Variants in MNT observed in about 807,000 individuals in gnomAD.
MNT encodes max-binding protein MNT.
A neutral mutation model predicts 40.7 loss-of-function variants in MNT; 13 were observed. The ratio of observed to expected loss-of-function variants is 0.32; its 90% CI spans 0.21 to 0.51. MNT has a LOEUF of 0.51. MNT is among the 20% of genes least tolerant of loss of function. The pLI, the probability that MNT is intolerant of heterozygous loss-of-function variation, is 0.98. For missense variants in MNT, 757 were observed against 792.0 expected, an observed-to-expected ratio of 0.96 and a Z score of 0.53; for synonymous variants, 426 against 354.8, an observed-to-expected ratio of 1.20 and a Z score of -2.26.
intron 1 of MNT, chr17:2,400,177 A>ACTCGTGTGCTATACACACG (rs2066605069): frequency 1.3e-5 from 2 of 154,368 alleles, no homozygotes; most frequent in African/African-American, 4.9e-5. Context: ...ACACACGCCC[A>ACTCGTGTGCTATACACACG]CTCGTGTGCT....
In MNT at chr17:2,400,739, C is replaced by T. The variant is rs112592946; in HGVS notation, c.-27G>A. ...GCGCCGAGAGCTGCCGGGGGCGCGC[C>T]GGGGCCGAGGCTGCGGCCCGCGAGC... On this transcript the variant is annotated 5_prime_UTR_variant, in exon 1 of 6. Transcript: ENST00000174618. The T allele has an allele frequency of 1.5e-5, 22 of 1,515,792 alleles. No homozygotes were observed. The highest frequency in any genetic ancestry group is 2.3e-5 in the Admixed American group (1 of 43,446). 93.9% of individuals were successfully genotyped at this position (1,515,792 alleles called of 1,614,324 possible). A position where few individuals can be genotyped will look rare whatever the true frequency, so the allele number is the denominator to read the frequency against.
chr17:2,398,044 C>G (rs2066588986), intron 1 of MNT, among the ~76,000 whole-genome samples: 1 of 152,274 alleles, frequency 6.6e-6, no homozygotes, highest in Admixed American at 6.5e-5. Flanking sequence ...TCTGCAGGCA[C>G]AGGGCTAGGG....
chr17:2,387,728 G>C, intron 5 of MNT, 79 bp from the exon 6 acceptor site: 2 of 1,575,558 alleles, frequency 1.3e-6, no homozygotes, highest in Non-Finnish European at 1.7e-6. Flanking sequence ...TCGTGGGGGC[G>C]TGGGAATGTG....
Position 2,394,540 on chromosome 17 carries a change from C to G in MNT, c.654-194G>C, listed in dbSNP as rs569140144. The stretch of plus-strand genomic sequence containing the variant: ...CACATCTGTGCTCATAATCACAACT[C>G]CTGTCACCCTCCGTCCCACCAGGAG... On this transcript the variant is annotated intron_variant, in intron 2 of 5. Coordinates refer to ENST00000174618, the MANE Select transcript of MNT (RefSeq NM_020310.3). Among the ~76,000 whole-genome samples, 6 of 152,258 alleles carry G rather than the reference C, an allele frequency of 3.9e-5. No individual in the cohort carries two copies. In the South Asian group the frequency reaches 1.2e-3, roughly 32 times the overall value.
intron 4 of MNT, 175 bp from the exon 5 acceptor site, chr17:2,388,224 A>C (rs2066484290): frequency 3.4e-6 from 2 of 595,492 alleles, no homozygotes; most frequent in Non-Finnish European, 5.8e-6. Flanking sequence ...GCCCCTGCCC[A>C]GTGAGGCCCA....
chr17:2,393,968 CGGGGCGCGGCCG>C, intron 4 of MNT, 63 bp downstream of exon 4: 1 of 1,017,692 alleles, frequency 9.8e-7, no homozygotes, highest in South Asian at 2.0e-5. Context: ...GAGGGCGGGG[CGGGGCGCGGCCG>C]GGGGAGGGGC....
intron 2 of MNT, 48 bp from the exon 3 acceptor site, chr17:2,394,394 C>A (rs373597375): frequency 6.0e-5 from 96 of 1,611,612 alleles, no homozygotes; most frequent in Non-Finnish European, 7.6e-5. Flanking sequence ...CTCGATTAGA[C>A]GGCCTTCCTG....
Position 2,387,848 on chromosome 17 carries a change from G to A in MNT, c.1000+9C>T, listed in dbSNP as rs923566494. The A allele has an allele frequency of 3.1e-6, 5 of 1,593,172 alleles. No individual in the cohort carries two copies. The African/African-American group carries it at 6.7e-5, about 21-fold the overall frequency. On this transcript the variant is annotated intron_variant, in intron 5 of 5. Coordinates refer to ENST00000174618, the MANE Select transcript of MNT (RefSeq NM_020310.3). Reference sequence around the variant, plus strand: ...GGGCTGGGGGGCCAGCGTGGGGGCTGGGGCTCACCAGAGGCGGTGGAGGTG... The same window carrying A: ...GGGCTGGGGGGCCAGCGTGGGGGCTAGGGCTCACCAGAGGCGGTGGAGGTG...
intron 1 of MNT, among the ~76,000 whole-genome samples, chr17:2,397,868 C>T (rs2066588057): frequency 6.6e-6 from 1 of 152,266 alleles, no homozygotes; most frequent in Admixed American, 6.5e-5. Context: ...ATCCACCAGA[C>T]AGGGTGCGCC....
intron 4 of MNT, chr17:2,390,826 G>A (rs2066507421): frequency 6.6e-6 from 1 of 152,196 alleles, no homozygotes; most frequent in African/African-American, 2.4e-5. Flanking sequence ...ACATAACCCA[G>A]GTAGAACCGT....
chr17:2,388,145 G>T (rs2066483707), intron 4 of MNT, 96 bp from the exon 5 acceptor site: 2 of 1,250,644 alleles, frequency 1.6e-6, no homozygotes, highest in East Asian at 2.6e-5. Flanking sequence ...GCCCACAGAG[G>T]CAAGTCCGTG....
intron 4 of MNT, chr17:2,390,652 C>A (rs62067046): frequency 0.087 from 13,252 of 152,196 alleles, 752 homozygotes; most frequent in African/African-American, 0.15. Context: ...GGTTGGGGAT[C>A]GCTGCACTAG....
chr17:2,398,432 T>C (rs2151672540), intron 1 of MNT, among the ~76,000 whole-genome samples: 2 of 152,290 alleles, frequency 1.3e-5, no homozygotes, highest in South Asian at 4.1e-4. Context: ...TGGTCCTAGG[T>C]CCCGGGAAAG....
At position 2,387,408 on chromosome 17, in the gene MNT, GGGA is replaced by G. The variant is rs2066474643; in HGVS notation, c.1239_1241del (p.Pro416del). On this transcript the variant is annotated inframe_deletion, in exon 6 of 6. Transcript: ENST00000174618. The stretch of plus-strand genomic sequence containing the variant: ...GTGTCTGGGCAGGGGCAGCCGGTGG[GGGA>G]GGAGGGGCTGGCAGAGGGGTCTTCT... 2.5e-6 allele frequency: 4 copies of G among 1,611,914 alleles called. No individual in the cohort carries two copies. The highest frequency in any genetic ancestry group is 3.4e-6 in the Non-Finnish European group (4 of 1,178,924).
Position 2,400,969 on chromosome 17 carries a change from C to A in MNT, c.-257G>T. The A allele has an allele frequency of 2.7e-6, 1 of 371,208 alleles. No homozygotes were observed. Among genetic ancestry groups the A allele is most frequent in the South Asian group, 4.4e-5 (1 of 22,814 alleles). The allele number at this position is 371,208 out of a possible 1,614,324, so 23.0% of individuals were successfully genotyped here. A position where few individuals can be genotyped will look rare whatever the true frequency, so the allele number is the denominator to read the frequency against. Reference sequence around the variant, plus strand: ...AAAAAAAAAAGGCGGCACTGCCTCCCTTCTTCCCCTCCCTCTCTACCTCCC... The same window carrying A: ...AAAAAAAAAAGGCGGCACTGCCTCCATTCTTCCCCTCCCTCTCTACCTCCC... On this transcript the variant is annotated 5_prime_UTR_variant, in exon 1 of 6. In the 5' UTR this introduces an upstream ATG that the reference lacks. Transcript: ENST00000174618.
chr17:2,394,620 C>T (rs959949765), intron 2 of MNT, among the ~76,000 whole-genome samples: 4 of 152,166 alleles, frequency 2.6e-5, no homozygotes, highest in African/African-American at 9.7e-5. Flanking sequence ...CAGCCCTCAC[C>T]CAAGAGGCCC....
intron 4 of MNT, chr17:2,391,473 G>A (rs964382157): frequency 5.3e-5 from 8 of 152,300 alleles, no homozygotes; most frequent in South Asian, 2.1e-4. Context: ...ACCTAGTCCA[G>A]TTCTTCACAG....
At chr17:2,392,484 A>C (rs1456740402) in intron 4 of MNT, among the ~76,000 whole-genome samples, 1 of 152,266 alleles carries the variant, frequency 6.6e-6, no homozygotes, top group Non-Finnish European at 1.5e-5. Flanking sequence ...GGAACTCGCC[A>C]TGCCGTCCTT....
chr17:2,394,440 T>C (rs1597420562), intron 2 of MNT, 94 bp from the exon 3 acceptor site: 3 of 1,574,578 alleles, frequency 1.9e-6, no homozygotes, highest in East Asian at 2.2e-5. Flanking sequence ...CCACAGGCTG[T>C]TTGTCCCCAA....
Sources: allele counts gnomAD v4.1 joint callset (sites outside exome capture counted in the v4.1 genomes callset), GRCh38; gene constraint gnomAD v4.1.1; transcripts MANE v1.5; gene names NCBI Gene and HGNC (gene_info 2026-07-23, HGNC 2026-07-21).